Variants in CABLES2 observed in about 807,000 individuals in gnomAD.
CABLES2 encodes the protein Cdk5 and Abl enzyme substrate 2.
In CABLES2, 35 loss-of-function variants were observed where a neutral mutation model predicts 44.8. That is an observed-to-expected ratio of 0.78 (90% CI 0.60 to 1.04). CABLES2 has a LOEUF of 1.04. Ranked by LOEUF, CABLES2 falls within the 50% of genes least tolerant of loss-of-function variation. The probability of loss-of-function intolerance (pLI) is 0.00; values close to 1 mark genes in which losing one functional copy is unlikely to be tolerated. For missense variants in CABLES2, 566 were observed against 615.7 expected (o/e 0.92, Z 0.85); for synonymous variants, 282 against 281.1 (o/e 1.00, Z -0.03).
Position 62,398,094 on chromosome 20 carries a change from G to T in CABLES2, c.363-1502C>A, listed in dbSNP as rs1488045058. Among the ~76,000 whole-genome samples, 6 of 138,946 alleles carry T rather than the reference G, an allele frequency of 4.3e-5. 1 individual carries two copies. The highest frequency in any genetic ancestry group is 2.1e-4 in the Admixed American group (3 of 14,078). The allele number at this position is 138,946 out of a possible 152,430, so 91.2% of individuals were successfully genotyped here. ...GACGGTGGTGGTGGTGGTGACGGTGGTGGTGGTGGTGATGGTGGTGGTGGT... is the reference window on the plus strand; with the variant it reads ...GACGGTGGTGGTGGTGGTGACGGTGTTGGTGGTGGTGATGGTGGTGGTGGT... On this transcript the variant is annotated intron_variant, in intron 1 of 9. Transcript: ENST00000279101.
At chr20:62,395,604 C>T (rs1189806955) in intron 3 of CABLES2, among the ~76,000 whole-genome samples, 1 of 152,200 alleles carries the variant, frequency 6.6e-6, no homozygotes, top group East Asian at 1.9e-4. Flanking sequence ...CCTGCCTGGG[C>T]CCAGGGTCTC....
chr20:62,394,866 G>A, intron 4 of CABLES2, 71 bp downstream of exon 4: 1 of 1,436,988 alleles, frequency 7.0e-7, no homozygotes, highest in Non-Finnish European at 9.6e-7. Flanking sequence ...TGCCTCCTGG[G>A]CCTGGCCGAG....
At chr20:62,397,884 G>GTGGTGATGGTGA (rs1988047499) in intron 1 of CABLES2, among the ~76,000 whole-genome samples, 1 of 151,430 alleles carries the variant, frequency 6.6e-6, no homozygotes, top group East Asian at 1.9e-4. Flanking sequence ...GCAGTTGGTG[G>GTGGTGATGGTGA]TGGTGATGGC....
rs575269635 is a variant in CABLES2, at chr20:62,389,331, A to T, written c.*1640T>A. On this transcript the variant is annotated 3_prime_UTR_variant, in exon 10 of 10. Transcript: ENST00000279101. The stretch of plus-strand genomic sequence containing the variant: ...GCTTGATGGAAGGGGACGCTCCACA[A>T]TAAGAAAGAACAAAGGCTTTGGTTT... The T allele has an allele frequency of 2.0e-5, 3 of 152,438 alleles. No homozygotes were observed. In the East Asian group the frequency reaches 5.8e-4, roughly 29 times the overall value. The allele number at this position is 152,438 out of a possible 1,614,324, so 9.4% of individuals were successfully genotyped here. A position where few individuals can be genotyped will look rare whatever the true frequency, so the allele number is the denominator to read the frequency against.
At chr20:62,398,121 G>GGTGGTGGTGA (rs1481477351) in intron 1 of CABLES2, among the ~76,000 whole-genome samples, 70 of 82,498 alleles carry the variant, frequency 8.5e-4, no homozygotes, top group African/African-American at 4.1e-3. Flanking sequence ...GGTGGTGGTG[G>GGTGGTGGTGA]TGGTTATGAC....
chr20:62,401,124 T>C (rs1242402654), intron 1 of CABLES2, among the ~76,000 whole-genome samples: 2 of 152,098 alleles, frequency 1.3e-5, no homozygotes, highest in Non-Finnish European at 1.5e-5. Flanking sequence ...ACTGTGTCAG[T>C]TGGAATGGTG....
chr20:62,391,877 C>T lies in CABLES2; in HGVS notation c.1092-424G>A, dbSNP rs576465546. ...GCAGGGCAGGCCCCCAGTACAGGGC[C>T]GTGGCCAGGAGCCCGACGTGAGCCC... is the stretch of plus-strand genomic sequence containing the variant. On this transcript the variant is annotated intron_variant, in intron 8 of 9. Transcript: ENST00000279101. This position sits in a 1 kb window ranked among gnomAD's most constrained non-coding sequence, Gnocchi z 5.7. Among the ~76,000 whole-genome samples, 5 of 152,086 alleles carry T rather than the reference C, an allele frequency of 3.3e-5. No individual in the cohort carries two copies. Among genetic ancestry groups the T allele is most frequent in the South Asian group, 2.1e-4 (1 of 4,808 alleles).
At position 62,392,453 on chromosome 20, in the gene CABLES2, C is replaced by T. The variant is rs1158801422; in HGVS notation, c.1027G>A (p.Asp343Asn). The change falls in exon 8 of 10, where the codon GAC becomes AAC. Residue 343 changes from aspartate (D) to asparagine (N), a missense_variant. By Grantham distance (23) the Asp-to-Asn change is conservative. Around this residue, in one of 2 missense-constraint regions of CABLES2, gnomAD observed 436 missense variants for 536.3 expected, o/e 0.81. Coordinates refer to ENST00000279101, the MANE Select transcript of CABLES2 (RefSeq NM_031215.3). ...TTCTCCCTGAAGGTCTCGTTCATGT[C>T]CTTTTTGAGGTCTGAGGGCTTCACG... ...EYVKPSDLKK[D>N]MNETFREKFP... 1.2e-6 allele frequency: 2 copies of T among 1,614,078 alleles called. No individual in the cohort carries two copies. Among genetic ancestry groups the T allele is most frequent in the African/African-American group, 1.3e-5 (1 of 75,050 alleles).
intron 1 of CABLES2, 39 bp downstream of exon 1, chr20:62,406,876 C>A: frequency 1.8e-6 from 2 of 1,125,426 alleles, no homozygotes; most frequent in Non-Finnish European, 2.2e-6. Context: ...CGTCCCTGTA[C>A]CCCGCGTCCT....
intron 3 of CABLES2, among the ~76,000 whole-genome samples, chr20:62,395,535 C>T (rs2427312): frequency 0.13 from 19,396 of 152,296 alleles, 1,572 homozygotes; most frequent in Non-Finnish European, 0.19. Flanking sequence ...AGCCGGGCCC[C>T]GGGCCCAGAG....
At position 62,392,372 on chromosome 20, in the gene CABLES2, TGA is replaced by T. The variant is rs777602376; in HGVS notation, c.1091+15_1091+16del. The T allele has an allele frequency of 3.0e-5, 47 of 1,582,410 alleles. No homozygotes were observed. In the South Asian group the frequency reaches 5.1e-4, roughly 17 times the overall value. On this transcript the variant is annotated intron_variant, in intron 8 of 9. Transcript: ENST00000279101. ...GGCCTCCCAGGACGATGAGATGGTC[TGA>T]GAGGGTGTCCTCACCTCCTGATTTT... is the stretch of plus-strand genomic sequence containing the variant.
chr20:62,395,059 C>T (rs538594542), intron 3 of CABLES2, 45 bp from the exon 4 acceptor site: 12 of 1,421,500 alleles, frequency 8.4e-6, no homozygotes, highest in Admixed American at 3.4e-5. Flanking sequence ...GGGAGCGGGG[C>T]TCAAGGTACT....
At position 62,396,183 on chromosome 20, in the gene CABLES2, C is replaced by T. The variant is rs778359591; in HGVS notation, c.527+132G>A. 1.2e-5 allele frequency: 9 copies of T among 768,564 alleles called. No individual in the cohort carries two copies. The highest frequency in any genetic ancestry group is 1.8e-5 in the Non-Finnish European group (8 of 444,338). 47.6% of individuals were successfully genotyped at this position (768,564 alleles called of 1,614,324 possible). On this transcript the variant is annotated intron_variant, in intron 3 of 9. Coordinates refer to ENST00000279101, the MANE Select transcript of CABLES2 (RefSeq NM_031215.3). This position sits in a 1 kb window ranked among gnomAD's most constrained non-coding sequence, Gnocchi z 5.7. Reference sequence around the variant, plus strand: ...CAGTGTGGTGGGGAGGAGGGCCCACCTCTAGAGGTGTGGAGTGTGGGGTGG... The same window carrying T: ...CAGTGTGGTGGGGAGGAGGGCCCACTTCTAGAGGTGTGGAGTGTGGGGTGG...
chr20:62,396,529 T>C lies in CABLES2; in HGVS notation c.426A>G (p.Pro142=). ...EFLEDAVGCA[P]AQRTKHTSGS... ...CGGACGGGGGCGTGTACCTCTGTGC[T>C]GGAGCGCATCCCACGGCATCTTCCA... The change falls in exon 2 of 10, where the codon CCA becomes CCG. Residue 142 remains proline, a synonymous_variant. Coordinates refer to ENST00000279101, the MANE Select transcript of CABLES2 (RefSeq NM_031215.3). The surrounding 1 kb of genome is among the most constrained non-coding windows in gnomAD (Gnocchi z 5.7). 1.2e-6 allele frequency: 2 copies of C among 1,613,820 alleles called. No individual in the cohort carries two copies. Among genetic ancestry groups the C allele is most frequent in the Non-Finnish European group, 1.7e-6 (2 of 1,179,958 alleles).
rs376910599 is a variant in CABLES2 at position 62,393,050 on chromosome 20, C to T, written c.881-27G>A. ...TGTAAGAGAGGCAACCCCTGACCCA[C>T]CAGGAGTCTTGAGCAGTACCCATCT... On this transcript the variant is annotated intron_variant, in intron 6 of 9. Coordinates refer to ENST00000279101, the MANE Select transcript of CABLES2 (RefSeq NM_031215.3). 7 of 1,591,452 alleles carry T rather than the reference C, an allele frequency of 4.4e-6. No homozygotes were observed. In the African/African-American group the frequency reaches 9.4e-5, roughly 21 times the overall value.
At chr20:62,392,536 C>G in intron 7 of CABLES2, 41 bp from the exon 8 acceptor site, 1 of 1,409,018 alleles carries the variant, frequency 7.1e-7, no homozygotes, top group Non-Finnish European at 1.0e-6. Flanking sequence ...GCCCCTCGCA[C>G]AGTCCATGGG....
chr20:62,391,534 G>A lies in CABLES2; in HGVS notation c.1092-81C>T. 3 of 1,438,272 alleles carry A rather than the reference G, an allele frequency of 2.1e-6. No homozygotes were observed. Among genetic ancestry groups the A allele is most frequent in the Non-Finnish European group, 2.9e-6 (3 of 1,028,018 alleles). The allele number at this position is 1,438,272 out of a possible 1,614,324, so 89.1% of individuals were successfully genotyped here. On this transcript the variant is annotated intron_variant, in intron 8 of 9. Coordinates refer to ENST00000279101, the MANE Select transcript of CABLES2 (RefSeq NM_031215.3). The surrounding 1 kb of genome is among the most constrained non-coding windows in gnomAD (Gnocchi z 5.7). ...CAGCCCCCTGCCACCACCAACCGAG[G>A]CTGGAGCGATGTAGCTTTGGGCCGC...
intron 1 of CABLES2, among the ~76,000 whole-genome samples, chr20:62,400,334 C>T (rs1360039216): frequency 6.6e-6 from 1 of 152,180 alleles, no homozygotes. Context: ...GTGGGAGGGG[C>T]AGAGCACCCA....
In CABLES2 at chr20:62,391,377, A is replaced by G; in HGVS notation, c.1168T>C (p.Phe390Leu). 1 of 1,613,464 alleles carries G rather than the reference A, an allele frequency of 6.2e-7. No individual in the cohort carries two copies. The highest frequency in any genetic ancestry group is 8.5e-7 in the Non-Finnish European group (1 of 1,180,026). Residue 390 changes from phenylalanine to leucine, a missense_variant, in exon 9 of 10, where the codon TTT (phenylalanine) becomes CTT (leucine). Phe to Leu is a conservative substitution (Grantham distance 22). Transcript: ENST00000279101. This position sits in a 1 kb window ranked among gnomAD's most constrained non-coding sequence, Gnocchi z 5.7. Reference sequence around the variant, plus strand: ...TTGCCCTGCAGGACCAGCTTCTCAAAGTACACGTAGGCCATGGCCACCGTC... The same window carrying G: ...TTGCCCTGCAGGACCAGCTTCTCAAGGTACACGTAGGCCATGGCCACCGTC... The part of the protein sequence containing the change: ...PVTVAMAYVY[F>L]EKLVLQGKLS...
Sources: allele counts gnomAD v4.1 joint callset (sites outside exome capture counted in the v4.1 genomes callset), GRCh38; gene constraint gnomAD v4.1.1; regional missense constraint gnomAD v4.1.1; non-coding constraint Gnocchi (gnomAD v3.1); transcripts MANE v1.5; gene names NCBI Gene and HGNC (gene_info 2026-07-23, HGNC 2026-07-21).